FOXP1: variants seen among roughly 807,000 people sequenced by gnomAD.
FOXP1 encodes the protein forkhead box protein P1.
FOXP1 carries 15 observed loss-of-function variants against 98.2 expected under a neutral mutation model. The ratio of observed to expected loss-of-function variants is 0.15; its 90% CI spans 0.10 to 0.24. The LOEUF is 0.24. Among genes scored for constraint, FOXP1 ranks in the 10% least tolerant of loss-of-function variants. The pLI is 1.00. For synonymous variants in FOXP1, 371 were observed against 314.5 expected (o/e 1.18, Z -1.90); for missense variants, 633 against 848.5 (o/e 0.75, Z 3.15).
intron 3 of FOXP1, among the ~76,000 whole-genome samples, chr3:71,398,132 A>G (rs2081676531): frequency 6.6e-6 from 1 of 152,254 alleles, no homozygotes; most frequent in Admixed American, 6.5e-5. Context: ...TCTTAACATT[A>G]TTTTAACAGA....
chr3:71,083,212 C>A (rs2054642079), intron 7 of FOXP1, among the ~76,000 whole-genome samples: 1 of 152,074 alleles, frequency 6.6e-6, no homozygotes, highest in Non-Finnish European at 1.5e-5. Flanking sequence ...CAGTGAGTTC[C>A]CCTGAGATCT....
At chr3:71,196,410 A>G (rs1047891947) in intron 6 of FOXP1, among the ~76,000 whole-genome samples, 3 of 152,160 alleles carry the variant, frequency 2.0e-5, no homozygotes, top group East Asian at 3.8e-4. Context: ...TTGATGGTTT[A>G]TATGTAAAGT....
intron 4 of FOXP1, among the ~76,000 whole-genome samples, chr3:71,322,255 C>T (rs1321934808): frequency 3.3e-5 from 5 of 152,188 alleles, no homozygotes; most frequent in Admixed American, 3.3e-4. Context: ...AAACAGTAGT[C>T]ATTAGCCACA....
At chr3:71,433,230 G>C (rs981330146) in intron 3 of FOXP1, among the ~76,000 whole-genome samples, 2 of 152,058 alleles carry the variant, frequency 1.3e-5, no homozygotes, top group Admixed American at 6.6e-5. Flanking sequence ...GACATACAAG[G>C]ACCCTGAAGA....
At chr3:71,150,680 A>G (rs1421208667) in intron 6 of FOXP1, among the ~76,000 whole-genome samples, 1 of 152,112 alleles carries the variant, frequency 6.6e-6, no homozygotes, top group Non-Finnish European at 1.5e-5. Context: ...AAAGCACTCT[A>G]ATTTAAATTA....
intron 3 of FOXP1, among the ~76,000 whole-genome samples, chr3:71,406,486 T>C (rs2082358305): frequency 1.3e-5 from 2 of 149,756 alleles, no homozygotes; most frequent in Admixed American, 6.7e-5. Context: ...GGGTATTCCA[T>C]TTCCAAAGTC....
chr3:71,432,554 G>A (rs553590806), intron 3 of FOXP1, among the ~76,000 whole-genome samples: 402 of 152,020 alleles, frequency 2.6e-3, no homozygotes, highest in Non-Finnish European at 3.3e-3. Context: ...CCTAGGCTAC[G>A]CCCCACCTAA....
At chr3:71,058,556 C>T (rs1482669647) in intron 7 of FOXP1, among the ~76,000 whole-genome samples, 1 of 144,382 alleles carries the variant, frequency 6.9e-6, no homozygotes, top group Non-Finnish European at 1.5e-5. Context: ...TCCAGAATGT[C>T]ACAACAAAAC....
At chr3:71,296,095 C>T (rs1377045932) in intron 5 of FOXP1, 3 of 152,168 alleles carry the variant, frequency 2.0e-5, no homozygotes, top group Admixed American at 6.5e-5. Context: ...CCATAGAATC[C>T]AAATTTTCAA....
intron 4 of FOXP1, among the ~76,000 whole-genome samples, chr3:71,327,241 T>C (rs901602953): frequency 5.7e-5 from 6 of 105,444 alleles, no homozygotes; most frequent in African/African-American, 1.9e-4. Context: ...ATGAGGGAAA[T>C]GGCTGGGAGG....
At chr3:71,336,133 G>A (rs1022908156) in intron 4 of FOXP1, among the ~76,000 whole-genome samples, 9 of 147,634 alleles carry the variant, frequency 6.1e-5, no homozygotes, top group South Asian at 2.2e-4. Context: ...ACAGAGGAGC[G>A]AATGCAAAGA....
chr3:71,030,605 G>T (rs1171785776), intron 11 of FOXP1, among the ~76,000 whole-genome samples: 2 of 152,246 alleles, frequency 1.3e-5, no homozygotes, highest in African/African-American at 4.8e-5. Flanking sequence ...CACCTGGCCT[G>T]TGGTTTGAGC....
chr3:71,513,225 A>G (rs759142439), intron 2 of FOXP1, among the ~76,000 whole-genome samples: 2 of 152,038 alleles, frequency 1.3e-5, no homozygotes, highest in Non-Finnish European at 2.9e-5. Flanking sequence ...GTGATTTTCA[A>G]TCTCAAGCAG....
chr3:71,360,227 A>C (rs1215640916), intron 3 of FOXP1, among the ~76,000 whole-genome samples: 1 of 152,212 alleles, frequency 6.6e-6, no homozygotes, highest in Non-Finnish European at 1.5e-5. Flanking sequence ...ATCTCAATGC[A>C]CTCAGTAGAA....
intron 5 of FOXP1, among the ~76,000 whole-genome samples, chr3:71,286,327 C>A (rs906176765): frequency 6.6e-6 from 1 of 150,612 alleles, no homozygotes. Flanking sequence ...GCCCCGCCCG[C>A]CAGCACACAG....
chr3:71,430,512 GA>G (rs879392783), intron 3 of FOXP1, among the ~76,000 whole-genome samples: 47 of 136,610 alleles, frequency 3.4e-4, no homozygotes, highest in East Asian at 1.1e-3. Flanking sequence ...AGGAAAGAAA[GA>G]AAAAAAAAAA....
intron 2 of FOXP1, among the ~76,000 whole-genome samples, chr3:71,499,272 A>T (rs771137795): frequency 5.3e-5 from 8 of 152,150 alleles, no homozygotes; most frequent in Non-Finnish European, 1.0e-4. Context: ...TGCCTCCCCT[A>T]GTCCACTTAA....
At chr3:71,376,962 CA>C (rs989179612) in intron 3 of FOXP1, among the ~76,000 whole-genome samples, 1 of 151,918 alleles carries the variant, frequency 6.6e-6, no homozygotes, top group African/African-American at 2.4e-5. Context: ...CAAAAGTGAG[CA>C]AAATGCAAAA....
chr3:71,172,142 C>T (rs1302216674), intron 6 of FOXP1, among the ~76,000 whole-genome samples: 1 of 151,954 alleles, frequency 6.6e-6, no homozygotes, highest in African/African-American at 2.4e-5. Context: ...TCTGGAAGCT[C>T]GAGGGTAGTC....
Sources: allele counts gnomAD v4.1 joint callset (sites outside exome capture counted in the v4.1 genomes callset), GRCh38; gene constraint gnomAD v4.1.1; transcripts MANE v1.5; gene names NCBI Gene and HGNC (gene_info 2026-07-23, HGNC 2026-07-21).